KCNJ1: variants seen among roughly 807,000 people sequenced by gnomAD.
KCNJ1 encodes potassium inwardly rectifying channel subfamily J member 1.
KCNJ1 carries 24 observed loss-of-function variants against 21.9 expected under a neutral mutation model. The observed-to-expected ratio is 1.10, with a 90% CI of 0.79 to 1.54. The LOEUF (loss-of-function observed/expected upper bound fraction) is 1.54, where lower values mean the gene tolerates loss of function less well. Among genes scored for constraint, KCNJ1 ranks in the 40% most tolerant of loss-of-function variants. The pLI is 0.00. For synonymous variants in KCNJ1, 152 were observed against 160.9 expected (o/e 0.94, Z 0.42); for missense variants, 457 against 455.4 (o/e 1.00, Z -0.03).
chr11:128,841,707 G>A (rs1253151345), intron 2 of KCNJ1, among the ~76,000 whole-genome samples: 1 of 152,190 alleles, frequency 6.6e-6, no homozygotes, highest in African/African-American at 2.4e-5. Flanking sequence ...ACAGTGTCTT[G>A]TTCAAGGCCT....
rs528451227 is a variant in KCNJ1 at position 128,838,743 on chromosome 11, C to T, written c.*382G>A. 4 of 212,700 alleles carry T rather than the reference C, an allele frequency of 1.9e-5. No homozygotes were observed. The highest frequency in any genetic ancestry group is 2.6e-4 in the East Asian group (2 of 7,674). The allele number at this position is 212,700 out of a possible 1,614,324, so 13.2% of individuals were successfully genotyped here. On this transcript the variant is annotated 3_prime_UTR_variant, in exon 3 of 3. Transcript: ENST00000392666. ...GAATCAAAATGAGATTATTATTGTC[C>T]CCTGATCCTTTCTAAAGTTCATAAC...
chr11:128,838,023 A>T lies in KCNJ1; in HGVS notation c.*1102T>A, dbSNP rs1393704122. On this transcript the variant is annotated 3_prime_UTR_variant, in exon 3 of 3. Coordinates refer to ENST00000392666, the MANE Select transcript of KCNJ1 (RefSeq NM_153766.3). Reference sequence around the variant, plus strand: ...ATAATAATAATCAAAGTGCATGCACAGTTTCAGAAATTTACTATATTAATC... The same window carrying T: ...ATAATAATAATCAAAGTGCATGCACTGTTTCAGAAATTTACTATATTAATC... 1 of 152,374 alleles carries T rather than the reference A, an allele frequency of 6.6e-6. No homozygotes were observed. Among genetic ancestry groups the T allele is most frequent in the Non-Finnish European group, 1.5e-5 (1 of 68,048 alleles). The allele number at this position is 152,374 out of a possible 1,614,324, so 9.4% of individuals were successfully genotyped here. A position where few individuals can be genotyped will look rare whatever the true frequency, so the allele number is the denominator to read the frequency against.
intron 1 of KCNJ1, among the ~76,000 whole-genome samples, chr11:128,861,783 T>G (rs887626447): frequency 6.6e-6 from 1 of 151,990 alleles, no homozygotes; most frequent in African/African-American, 2.4e-5. Flanking sequence ...TGTGTCCATT[T>G]CCCGCTGAAA....
chr11:128,850,971 G>A, intron 1 of KCNJ1, 81 bp from the exon 2 acceptor site: 2 of 728,880 alleles, frequency 2.7e-6, no homozygotes, highest in South Asian at 6.2e-5. Flanking sequence ...ACTTCAGTTA[G>A]TTTGGACCAG....
rs573184669 is a variant in KCNJ1 at position 128,850,910 on chromosome 11, A to G, written c.-191-20T>C. ...AGAAACCTGGTAAAATACAACACAT[A>G]TGGCTACTGTCTGGAGACAGAGGAC... On this transcript the variant is annotated intron_variant, in intron 1 of 2. Coordinates refer to ENST00000392666, the MANE Select transcript of KCNJ1 (RefSeq NM_153766.3). The G allele has an allele frequency of 9.3e-4, 915 of 982,548 alleles. 1 individual carries two copies. Among genetic ancestry groups the G allele is most frequent in the South Asian group, 1.1e-3 (24 of 21,232 alleles). 60.9% of individuals were successfully genotyped at this position (982,548 alleles called of 1,614,324 possible).
At chr11:128,844,974 T>C (rs1943354631) in intron 2 of KCNJ1, among the ~76,000 whole-genome samples, 1 of 152,244 alleles carries the variant, frequency 6.6e-6, no homozygotes, top group Admixed American at 6.5e-5. Context: ...ATATGAGCTA[T>C]GTGGCCTGAG....
At position 128,840,346 on chromosome 11, in the gene KCNJ1, T is replaced by G. The variant is rs998030229; in HGVS notation, c.-21-82A>C. The G allele has an allele frequency of 3.8e-5, 49 of 1,303,056 alleles. No individual in the cohort carries two copies. In the Admixed American group the frequency reaches 8.7e-4, roughly 23 times the overall value. The allele number at this position is 1,303,056 out of a possible 1,614,324, so 80.7% of individuals were successfully genotyped here. ...AGGTGACCCACATGAAAGACCTAACTACGAAAAGATCATTCAAAATTATCT... is the reference window on the plus strand; with the variant it reads ...AGGTGACCCACATGAAAGACCTAACGACGAAAAGATCATTCAAAATTATCT... On this transcript the variant is annotated intron_variant, in intron 2 of 2. Transcript: ENST00000392666.
chr11:128,851,829 T>G (rs1349715002), intron 1 of KCNJ1, among the ~76,000 whole-genome samples: 1 of 152,316 alleles, frequency 6.6e-6, no homozygotes, highest in African/African-American at 2.4e-5. Context: ...GTATGGACAC[T>G]CGGAGACTAG....
intron 1 of KCNJ1, among the ~76,000 whole-genome samples, chr11:128,866,884 A>G (rs534857571): frequency 1.3e-5 from 2 of 152,136 alleles, no homozygotes; most frequent in Admixed American, 1.3e-4. Flanking sequence ...CTGCCACCAA[A>G]AGAAGACTTT....
intron 1 of KCNJ1, among the ~76,000 whole-genome samples, chr11:128,853,879 G>T (rs1943525317): frequency 6.6e-6 from 1 of 152,220 alleles, no homozygotes; most frequent in African/African-American, 2.4e-5. Context: ...ACAAGAGCTT[G>T]GAGTACGGAA....
chr11:128,839,091 G>A lies in KCNJ1; in HGVS notation c.*34C>T. 1 of 1,594,040 alleles carries A rather than the reference G, an allele frequency of 6.3e-7. No homozygotes were observed. The highest frequency in any genetic ancestry group is 8.6e-7 in the Non-Finnish European group (1 of 1,166,106). Reference sequence around the variant, plus strand: ...ATGCTTCTAGGTACTAGGAGCTTTAGAGACTTTGCTTTACTCCCGTTGAAA... The same window carrying A: ...ATGCTTCTAGGTACTAGGAGCTTTAAAGACTTTGCTTTACTCCCGTTGAAA... On this transcript the variant is annotated 3_prime_UTR_variant, in exon 3 of 3. Coordinates refer to ENST00000392666, the MANE Select transcript of KCNJ1 (RefSeq NM_153766.3).
intron 1 of KCNJ1, among the ~76,000 whole-genome samples, chr11:128,852,993 G>T (rs1327480775): frequency 3.9e-5 from 6 of 152,184 alleles, no homozygotes; most frequent in African/African-American, 1.4e-4. Context: ...TTCACTCAGT[G>T]GTGTGTATAA....
In KCNJ1 at chr11:128,839,977, G is replaced by C. The variant is rs646617; in HGVS notation, c.267C>G (p.Asp89Glu). ...LWYAVAYIHK[D>E]LPEFHPSANH... ...TGGCAGAAGGATGGAATTCCGGGAGGTCTTTGTGAATGTACGCTACTGCAT... is the reference window on the plus strand; with the variant it reads ...TGGCAGAAGGATGGAATTCCGGGAGCTCTTTGTGAATGTACGCTACTGCAT... Residue 89 changes from aspartate to glutamate, a missense_variant, in exon 3 of 3, where the codon GAC (aspartate) becomes GAG (glutamate). Coordinates refer to ENST00000392666, the MANE Select transcript of KCNJ1 (RefSeq NM_153766.3). 6.2e-7 allele frequency: 1 copy of C among 1,614,102 alleles called. No individual in the cohort carries two copies.
intron 1 of KCNJ1, among the ~76,000 whole-genome samples, chr11:128,852,432 G>A (rs1286717739): frequency 6.6e-5 from 10 of 152,114 alleles, no homozygotes; most frequent in Admixed American, 2.6e-4. Context: ...CTATGCCCAC[G>A]GGTATCATTG....
At chr11:128,864,074 CTTTTTTTTTTTTTT>C (rs71472076) in intron 1 of KCNJ1, among the ~76,000 whole-genome samples, 2 of 86,684 alleles carry the variant, frequency 2.3e-5, no homozygotes, top group African/African-American at 9.7e-5. Context: ...CTTTTTCTCT[CTTTTTTTTTTTTTT>C]TTTTTTTTTT....
intron 2 of KCNJ1, among the ~76,000 whole-genome samples, chr11:128,841,685 T>C (rs1458098292): frequency 2.0e-5 from 3 of 152,198 alleles, no homozygotes; most frequent in South Asian, 2.1e-4. Flanking sequence ...TTTTAAATAA[T>C]AGTGATATCC....
chr11:128,858,345 A>G (rs1365850879), intron 1 of KCNJ1, among the ~76,000 whole-genome samples: 1 of 152,156 alleles, frequency 6.6e-6, no homozygotes, highest in African/African-American at 2.4e-5. Flanking sequence ...CCCTACCATG[A>G]AAAACAGGCA....
chr11:128,864,074 C>CTT (rs71472076), intron 1 of KCNJ1, among the ~76,000 whole-genome samples: 3,805 of 86,728 alleles, frequency 0.044, 476 homozygotes, highest in Non-Finnish European at 0.058. Flanking sequence ...CTTTTTCTCT[C>CTT]TTTTTTTTTT....
chr11:128,841,196 A>T (rs1943276323), intron 2 of KCNJ1, among the ~76,000 whole-genome samples: 2 of 152,178 alleles, frequency 1.3e-5, no homozygotes, highest in South Asian at 4.1e-4. Context: ...CAACACATCT[A>T]ACACTTCCTT....
Sources: gnomAD v4.1 joint callset for allele counts (sites outside exome capture counted in the v4.1 genomes callset) on GRCh38, gnomAD v4.1.1 for gene constraint, MANE v1.5 for transcripts, NCBI Gene and HGNC (gene_info 2026-07-23, HGNC 2026-07-21) for gene names.